The following MRPS25 variants were observed in gnomAD, a reference collection of about 807,000 sequenced individuals.
MRPS25 encodes mitochondrial ribosomal protein S25, also known as small ribosomal subunit protein mS25.
MRPS25 carries 15 observed loss-of-function variants against 17.3 expected under a neutral mutation model. That is an observed-to-expected ratio of 0.87 (90% CI 0.58 to 1.34). MRPS25 has a LOEUF of 1.34. Among genes scored for constraint, MRPS25 ranks in the 40% most tolerant of loss-of-function variants. The pLI is 0.00. For synonymous variants in MRPS25, 94 were observed against 83.3 expected, an observed-to-expected ratio of 1.13 and a Z score of -0.70; for missense variants, 225 against 218.6, an observed-to-expected ratio of 1.03 and a Z score of -0.19.
At chr3:15,063,450 G>A (rs944758816) in intron 1 of MRPS25, among the ~76,000 whole-genome samples, 1 of 152,168 alleles carries the variant, frequency 6.6e-6, no homozygotes, top group Non-Finnish European at 1.5e-5. Context: ...AGGGCTGAGG[G>A]CACATGAACA....
chr3:15,061,361 G>A (rs1043655711), intron 1 of MRPS25, among the ~76,000 whole-genome samples: 13 of 151,232 alleles, frequency 8.6e-5, no homozygotes, highest in East Asian at 6.0e-4. Flanking sequence ...GATTGCAGGC[G>A]CGCGCTGCCA....
chr3:15,051,000 T>TA lies in MRPS25; in HGVS notation c.*1440dup, dbSNP rs1299807652. 5.1e-6 allele frequency: 5 copies of TA among 984,232 alleles called. No homozygotes were observed. Among genetic ancestry groups the TA allele is most frequent in the Non-Finnish European group, 6.0e-6 (5 of 828,828 alleles). The allele number at this position is 984,232 out of a possible 1,614,324, so 61.0% of individuals were successfully genotyped here. On this transcript the variant is annotated 3_prime_UTR_variant, in exon 4 of 4. Coordinates refer to ENST00000253686, the MANE Select transcript of MRPS25 (RefSeq NM_022497.5). ...ACCAGTTACAGACCTGGAAAGCTTT[T>TA]AGGACTTGACCAAGGCCCCAGCAGG...
In MRPS25 at chr3:15,051,421, T is replaced by A; in HGVS notation, c.*1020A>T. 1 of 859,578 alleles carries A rather than the reference T, an allele frequency of 1.2e-6. No homozygotes were observed. Among genetic ancestry groups the A allele is most frequent in the Non-Finnish European group, 1.4e-6 (1 of 715,200 alleles). The allele number at this position is 859,578 out of a possible 1,614,324, so 53.2% of individuals were successfully genotyped here. A position where few individuals can be genotyped will look rare whatever the true frequency, so the allele number is the denominator to read the frequency against. ...CTGGTCTCGAACTCCTGGGCTCAAC[T>A]ATCCGCCCACATCAGCCTCCCAAAG... On this transcript the variant is annotated 3_prime_UTR_variant, in exon 4 of 4. Transcript: ENST00000253686.
intron 2 of MRPS25, among the ~76,000 whole-genome samples, chr3:15,056,799 G>T (rs970388986): frequency 3.3e-5 from 5 of 152,244 alleles, no homozygotes; most frequent in Admixed American, 2.6e-4. Flanking sequence ...GTGGTCAATT[G>T]TTACAGCAGC....
At chr3:15,042,252 CT>C (rs1419288287), downstream of MRPS25, among the ~76,000 whole-genome samples, 2 of 152,118 alleles carry the variant, frequency 1.3e-5, no homozygotes, top group Admixed American at 1.3e-4. Context: ...AAAATGAAAG[CT>C]ATTTTACTGC....
At chr3:15,053,181 G>A (rs1470481636) in intron 3 of MRPS25, 199 bp downstream of exon 3, 11 of 1,257,920 alleles carry the variant, frequency 8.7e-6, no homozygotes, top group Non-Finnish European at 1.2e-5. Flanking sequence ...AGCCAAGGGA[G>A]ATAAAGCTTA....
chr3:15,044,421 A>G (rs1245008807), downstream of MRPS25: 1 of 152,138 alleles, frequency 6.6e-6, no homozygotes, highest in African/African-American at 2.4e-5. Context: ...CTCCTCATAA[A>G]TTGTAGCAAC....
downstream of MRPS25, chr3:15,046,087 T>G (rs1178795677): frequency 6.6e-6 from 1 of 152,200 alleles, no homozygotes; most frequent in South Asian, 2.1e-4. Flanking sequence ...CTGGAAGGTG[T>G]TTTTAAGGAA....
chr3:15,042,490 G>A (rs564214906), downstream of MRPS25: 5 of 185,912 alleles, frequency 2.7e-5, no homozygotes, highest in East Asian at 6.6e-4. Context: ...TTGTATTATC[G>A]TTTTTTAAAT....
At position 15,049,627 on chromosome 3, in the gene MRPS25, C is replaced by G; in HGVS notation, c.*2814G>C. The G allele has an allele frequency of 5.9e-6, 3 of 505,222 alleles. No homozygotes were observed. The highest frequency in any genetic ancestry group is 3.6e-5 in the East Asian group (1 of 27,434). The allele number at this position is 505,222 out of a possible 1,614,324, so 31.3% of individuals were successfully genotyped here. On this transcript the variant is annotated 3_prime_UTR_variant, in exon 4 of 4. Coordinates refer to ENST00000253686, the MANE Select transcript of MRPS25 (RefSeq NM_022497.5). Reference sequence around the variant, plus strand: ...CAGGCCTTAAATTGGCAAGCTTATTCTCTAAGGATACGTGCTATCAAGGGC... The same window carrying G: ...CAGGCCTTAAATTGGCAAGCTTATTGTCTAAGGATACGTGCTATCAAGGGC...
rs559161066 is a variant in MRPS25, at chr3:15,065,264, A to C, written c.-70T>G. On this transcript the variant is annotated 5_prime_UTR_variant, in exon 1 of 4. Transcript: ENST00000253686. ...CAGCGACGAGAAAGGACTAGCTAGC[A>C]CCCGCGCGGATCTCACGCGGCTTCT... The C allele has an allele frequency of 6.8e-7, 1 of 1,467,922 alleles. No individual in the cohort carries two copies. 90.9% of individuals were successfully genotyped at this position (1,467,922 alleles called of 1,614,324 possible).
chr3:15,060,330 T>C (rs529982496), intron 1 of MRPS25, among the ~76,000 whole-genome samples: 6 of 151,626 alleles, frequency 4.0e-5, no homozygotes, highest in African/African-American at 7.3e-5. Flanking sequence ...CTGGGCAATA[T>C]AGGGAGACCC....
In MRPS25 at chr3:15,050,530, GC is replaced by G. The variant is rs2042588519; in HGVS notation, c.*1910del. ...AAAGGAACTAGGTGCTTTCTGAAGA[GC>G]CCTTGCAGCCAAGTAGAACGCCCAG... On this transcript the variant is annotated 3_prime_UTR_variant, in exon 4 of 4. Transcript: ENST00000253686. 1.0e-6 allele frequency: 1 copy of G among 985,564 alleles called. No individual in the cohort carries two copies. The highest frequency in any genetic ancestry group is 1.2e-6 in the Non-Finnish European group (1 of 830,092). The allele number at this position is 985,564 out of a possible 1,614,324, so 61.1% of individuals were successfully genotyped here.
intron 1 of MRPS25, 84 bp downstream of exon 1, chr3:15,064,977 A>G: frequency 6.6e-7 from 1 of 1,507,658 alleles, no homozygotes; most frequent in East Asian, 2.5e-5. Flanking sequence ...ACGGCCGCCC[A>G]GAGCGACTCG....
In MRPS25 at chr3:15,052,013, G is replaced by T; in HGVS notation, c.*428C>A. The T allele has an allele frequency of 1.0e-6, 1 of 997,072 alleles. No individual in the cohort carries two copies. Among genetic ancestry groups the T allele is most frequent in the East Asian group, 1.1e-4 (1 of 9,314 alleles). 61.8% of individuals were successfully genotyped at this position (997,072 alleles called of 1,614,324 possible). A position where few individuals can be genotyped will look rare whatever the true frequency, so the allele number is the denominator to read the frequency against. Reference sequence around the variant, plus strand: ...GTACACACTGCCAACCACAGACAGTGCTAGCCAGACTCAACCACAGCAGCC... The same window carrying T: ...GTACACACTGCCAACCACAGACAGTTCTAGCCAGACTCAACCACAGCAGCC... On this transcript the variant is annotated 3_prime_UTR_variant, in exon 4 of 4. Transcript: ENST00000253686.
In MRPS25 at chr3:15,049,455, T is replaced by C. The variant is rs896175012; in HGVS notation, c.*2986A>G. ...GGCCCTCTGTGGTCCACTGGACTTA[T>C]TAATACCTTTAGTGGGAAACCCTGG... On this transcript the variant is annotated 3_prime_UTR_variant, in exon 4 of 4. Coordinates refer to ENST00000253686, the MANE Select transcript of MRPS25 (RefSeq NM_022497.5). 6.1e-5 allele frequency: 12 copies of C among 196,140 alleles called. No individual in the cohort carries two copies. Among genetic ancestry groups the C allele is most frequent in the Non-Finnish European group, 1.1e-4 (11 of 97,828 alleles). The allele number at this position is 196,140 out of a possible 1,614,324, so 12.1% of individuals were successfully genotyped here. A position where few individuals can be genotyped will look rare whatever the true frequency, so the allele number is the denominator to read the frequency against.
chr3:15,057,729 C>T (rs559345742), intron 2 of MRPS25, among the ~76,000 whole-genome samples: 2 of 152,332 alleles, frequency 1.3e-5, no homozygotes, highest in East Asian at 3.9e-4. Context: ...AGTACCCATC[C>T]AGTTGCACGT....
intron 1 of MRPS25, among the ~76,000 whole-genome samples, chr3:15,064,536 C>A (rs371256919): frequency 2.6e-5 from 4 of 152,230 alleles, no homozygotes; most frequent in African/African-American, 9.6e-5. Flanking sequence ...GTTACTTAAC[C>A]TCTCTGTGCG....
At chr3:15,053,511 G>C in intron 2 of MRPS25, 44 bp from the exon 3 acceptor site, 1 of 1,612,512 alleles carries the variant, frequency 6.2e-7, no homozygotes, top group Non-Finnish European at 8.5e-7. Context: ...AGAACTCACA[G>C]CGCACTCAGC....
Sources: allele counts gnomAD v4.1 joint callset (sites outside exome capture counted in the v4.1 genomes callset), GRCh38; gene constraint gnomAD v4.1.1; transcripts MANE v1.5; gene names NCBI Gene and HGNC (gene_info 2026-07-23, HGNC 2026-07-21).